Variants in TFRC observed in about 807,000 individuals in gnomAD.
The protein encoded by TFRC is transferrin receptor, also known as transferrin receptor protein 1.
A neutral mutation model predicts 85.8 loss-of-function variants in TFRC; 35 were observed. The observed-to-expected ratio is 0.41, with a 90% confidence interval of 0.31 to 0.54. TFRC has a LOEUF of 0.54. Among genes scored for constraint, TFRC ranks in the 20% least tolerant of loss-of-function variants. The pLI, the probability that TFRC is intolerant of heterozygous loss-of-function variation, is 0.31. For synonymous variants in TFRC, 362 were observed against 328.6 expected (o/e 1.10, Z -1.10); for missense variants, 828 against 921.5 (o/e 0.90, Z 1.31).
chr3:196,073,658 AT>A (rs1718416460), intron 4 of TFRC, among the ~76,000 whole-genome samples: 1 of 152,204 alleles, frequency 6.6e-6, no homozygotes, highest in African/African-American at 2.4e-5. Flanking sequence ...GAGCCAGAGA[AT>A]GACAGCAAGC....
chr3:196,069,957 AT>A (rs1207456665), intron 6 of TFRC, among the ~76,000 whole-genome samples: 1 of 152,216 alleles, frequency 6.6e-6, no homozygotes, highest in Non-Finnish European at 1.5e-5. Flanking sequence ...TTAAAACACC[AT>A]CTATTACAAC....
rs765446349 is a variant in TFRC at position 196,067,617 on chromosome 3, G to C, written c.941C>G (p.Pro314Arg). Residue 314 changes from proline to arginine, a missense_variant, in exon 9 of 19, where the codon CCT (proline) becomes CGT (arginine). By Grantham distance (103) the Pro-to-Arg change is moderately radical (BLOSUM62 -2). Coordinates refer to ENST00000360110, the MANE Select transcript of TFRC (RefSeq NM_001128148.3). ...TGGAAACTGAGTGTGATTGAAGGAA[G>C]GGAATCCAGGTGTGTAAGGGTCACC... ...GTGDPYTPGF[P>R]SFNHTQFPPS... is the part of the protein sequence containing the mutation. 2.5e-6 allele frequency: 4 copies of C among 1,613,982 alleles called. No individual in the cohort carries two copies. In the African/African-American group the frequency reaches 4.0e-5, roughly 16 times the overall value.
In TFRC at chr3:196,069,575, C is replaced by T. The variant is rs1269699436; in HGVS notation, c.688-7G>A. On this transcript the variant is annotated splice_polypyrimidine_tract_variant and splice_region_variant and intron_variant, in intron 6 of 18. Transcript: ENST00000360110. ...TAGCATGGACCAGTTTACCCTAGAA[C>T]AAAGACATTAGATTTAATGAGCATT... The T allele has an allele frequency of 9.2e-6, 14 of 1,517,154 alleles. 1 individual carries two copies. Among genetic ancestry groups the T allele is most frequent in the African/African-American group, 1.4e-5 (1 of 72,846 alleles). 94.0% of individuals were successfully genotyped at this position (1,517,154 alleles called of 1,614,324 possible). A position where few individuals can be genotyped will look rare whatever the true frequency, so the allele number is the denominator to read the frequency against.
intron 5 of TFRC, 56 bp from the exon 6 acceptor site, chr3:196,071,554 T>C (rs1718210916): frequency 3.4e-6 from 5 of 1,479,570 alleles, no homozygotes; most frequent in South Asian, 2.3e-5. Context: ...AAAAACACAA[T>C]AGCTTACATT....
At chr3:196,068,927 CAAAAAA>C (rs55642820) in intron 7 of TFRC, among the ~76,000 whole-genome samples, 2 of 85,278 alleles carry the variant, frequency 2.3e-5, no homozygotes, top group African/African-American at 4.9e-5. Flanking sequence ...GACTCCGTCT[CAAAAAA>C]AAAAAAAAAA....
intron 3 of TFRC, 96 bp downstream of exon 3, chr3:196,075,063 A>C: frequency 1.4e-6 from 1 of 694,904 alleles, no homozygotes; most frequent in Non-Finnish European, 2.2e-6. Context: ...AAAAAAAAAA[A>C]AAATAAGGTA....
intron 13 of TFRC, among the ~76,000 whole-genome samples, chr3:196,061,317 C>T (rs1023331918): frequency 6.6e-6 from 1 of 152,342 alleles, no homozygotes; most frequent in Non-Finnish European, 1.5e-5. Context: ...AGTTTCTTCT[C>T]ACCTCAATAT....
Position 196,082,044 on chromosome 3 carries a change from C to G in TFRC, c.-25G>C, listed in dbSNP as rs1024771575. On this transcript the variant is annotated splice_region_variant and 5_prime_UTR_variant, in exon 1 of 19. Coordinates refer to ENST00000360110, the MANE Select transcript of TFRC (RefSeq NM_001128148.3). ...GTAGTTCTAGAAGCCCGCACTCACA[C>G]TAGCGCGTCCTCCGTCCCGAGCCGC... 3.9e-5 allele frequency: 6 copies of G among 152,910 alleles called. No individual in the cohort carries two copies. In the East Asian group the frequency reaches 1.1e-3, roughly 29 times the overall value. 9.5% of individuals were successfully genotyped at this position (152,910 alleles called of 1,614,324 possible).
rs1716290811 is a variant in TFRC at position 196,051,380 on chromosome 3, CAGA to C, written c.*559_*561del. The C allele has an allele frequency of 4.6e-6, 1 of 218,676 alleles. No homozygotes were observed. The highest frequency in any genetic ancestry group is 9.2e-6 in the Non-Finnish European group (1 of 108,876). 13.5% of individuals were successfully genotyped at this position (218,676 alleles called of 1,614,324 possible). On this transcript the variant is annotated 3_prime_UTR_variant, in exon 19 of 19. Transcript: ENST00000360110. Reference sequence around the variant, plus strand: ...AACAGTTGAACCTCATTTTATCCAGCAGAAGGACCTCCATTTCAGACCTCATTG... The same window carrying C: ...AACAGTTGAACCTCATTTTATCCAGCAGGACCTCCATTTCAGACCTCATTG...
chr3:196,069,332 T>C (rs1002258722), intron 7 of TFRC, 123 bp downstream of exon 7: 9 of 637,082 alleles, frequency 1.4e-5, no homozygotes, highest in Non-Finnish European at 2.5e-5. Context: ...AATTATATTA[T>C]CTGGTATGAG....
At chr3:196,055,330 C>CA (rs1716688245) in intron 16 of TFRC, 29 bp from the exon 17 acceptor site, 2 of 1,583,582 alleles carry the variant, frequency 1.3e-6, no homozygotes, top group East Asian at 4.5e-5. Flanking sequence ...CTATGGTACT[C>CA]ACGTGAGTTC....
chr3:196,057,728 C>T lies in TFRC; in HGVS notation c.1677+556G>A, dbSNP rs563466131. On this transcript the variant is annotated intron_variant, in intron 16 of 18. Coordinates refer to ENST00000360110, the MANE Select transcript of TFRC (RefSeq NM_001128148.3). ...GAGGACTGCTTGAGGCTGCAGTGAG[C>T]CATGATCGGGCCACTGCACCCCAGC... Among the ~76,000 whole-genome samples the T allele has an allele frequency of 2.7e-5, 4 of 150,412 alleles. No homozygotes were observed. The East Asian group carries it at 7.8e-4, about 29-fold the overall frequency.
At chr3:196,066,182 T>C (rs1717729135) in intron 9 of TFRC, among the ~76,000 whole-genome samples, 1 of 152,212 alleles carries the variant, frequency 6.6e-6, no homozygotes, top group Admixed American at 6.5e-5. Flanking sequence ...TTGGAATACA[T>C]ACCAAGATGG....
chr3:196,072,265 T>C, intron 4 of TFRC, 113 bp from the exon 5 acceptor site: 1 of 1,383,180 alleles, frequency 7.2e-7, no homozygotes, highest in East Asian at 2.4e-5. Context: ...ATAGTTCAGA[T>C]AAATGAACTG....
Position 196,058,619 on chromosome 3 carries a change from A to G in TFRC, c.1550T>C (p.Val517Ala). 2 of 1,611,010 alleles carry G rather than the reference A, an allele frequency of 1.2e-6. No homozygotes were observed. Among genetic ancestry groups the G allele is most frequent in the Non-Finnish European group, 1.7e-6 (2 of 1,178,890 alleles). Residue 517 changes from valine to alanine, a missense_variant, in exon 15 of 19, where the codon GTT (valine) becomes GCT (alanine). By Grantham distance (64) the Val-to-Ala change is moderately conservative. Transcript: ENST00000360110. ...GTCCTGATATAGAAATTGCCCAGTA[A>G]CCGGATGCTTCACCTGTAAGATAAG... ...EKTMQNVKHP[V>A]TGQFLYQDSN...
At chr3:196,078,723 A>T (rs1367212256) in intron 1 of TFRC, among the ~76,000 whole-genome samples, 1 of 152,188 alleles carries the variant, frequency 6.6e-6, no homozygotes, top group Non-Finnish European at 1.5e-5. Context: ...TTTTAAATTC[A>T]AGCTTTAAAA....
intron 9 of TFRC, among the ~76,000 whole-genome samples, chr3:196,066,956 T>C (rs558462211): frequency 1.5e-4 from 23 of 152,292 alleles, no homozygotes; most frequent in Middle Eastern, 3.4e-3. Flanking sequence ...TAATGCTACG[T>C]ACTCTAATGG....
chr3:196,075,494 A>C, intron 2 of TFRC, 134 bp from the exon 3 acceptor site: 1 of 834,182 alleles, frequency 1.2e-6, no homozygotes, highest in South Asian at 1.6e-5. Flanking sequence ...CTTTCAAACC[A>C]ACATTCTTCC....
chr3:196,058,305 T>A lies in TFRC; in HGVS notation c.1656A>T (p.Ala552=). ...TTACCTCGCAAAAACAGAAAGAAAC[T>A]GCTGGGATTCCAGAATATGCAAGGA... The part of the protein sequence containing the change: ...FPFLAYSGIP[A]VSFCFCEDTD... The change falls in exon 16 of 19, where the codon GCA becomes GCT. Residue 552 remains alanine (A), a synonymous_variant. Transcript: ENST00000360110. The A allele has an allele frequency of 1.9e-6, 3 of 1,614,012 alleles. No individual in the cohort carries two copies. The highest frequency in any genetic ancestry group is 2.5e-6 in the Non-Finnish European group (3 of 1,179,930).
Sources: gnomAD v4.1 joint callset for allele counts (sites outside exome capture counted in the v4.1 genomes callset) on GRCh38, gnomAD v4.1.1 for gene constraint, MANE v1.5 for transcripts, NCBI Gene and HGNC (gene_info 2026-07-23, HGNC 2026-07-21) for gene names.